CSMD1: variants seen among roughly 807,000 people sequenced by gnomAD.
The protein encoded by CSMD1 is CUB and Sushi multiple domains 1.
Under a neutral mutation model 417.5 loss-of-function variants are expected in CSMD1, and 213 were observed. The observed-to-expected ratio is 0.51, with a 90% CI of 0.46 to 0.57. The LOEUF is 0.57. CSMD1 is among the 20% of genes least tolerant of loss of function. The pLI is 0.00. For missense variants in CSMD1, 6,923 were observed against 4,529.7 expected (o/e 1.53, Z -15.17); for synonymous variants, 2,862 against 1,736.8 (o/e 1.65, Z -16.11).
At chr8:3,465,231 G>A (rs1024783345) in intron 12 of CSMD1, among the ~76,000 whole-genome samples, 8 of 152,142 alleles carry the variant, frequency 5.3e-5, no homozygotes, top group Non-Finnish European at 7.3e-5. Flanking sequence ...GGGATGCACA[G>A]GCCCTGGTTT....
intron 54 of CSMD1, among the ~76,000 whole-genome samples, 186 bp downstream of exon 54, chr8:2,997,825 G>C (rs114180760): frequency 0.025 from 3,739 of 152,184 alleles, 49 homozygotes; most frequent in African/African-American, 0.037. Context: ...ATCTGGCCAC[G>C]AGACAGGAAA....
intron 5 of CSMD1, among the ~76,000 whole-genome samples, chr8:3,952,096 AT>A (rs1811635519): frequency 6.6e-6 from 1 of 152,202 alleles, no homozygotes; most frequent in Non-Finnish European, 1.5e-5. Context: ...AAATCTTTAA[AT>A]TTCCGACAGA....
At chr8:3,751,806 T>A (rs964602769) in intron 6 of CSMD1, among the ~76,000 whole-genome samples, 1 of 152,164 alleles carries the variant, frequency 6.6e-6, no homozygotes, top group Non-Finnish European at 1.5e-5. Flanking sequence ...TGATCAGGTT[T>A]GAGAAACAAA....
At chr8:4,269,114 T>G (rs1244212272) in intron 3 of CSMD1, among the ~76,000 whole-genome samples, 1 of 152,194 alleles carries the variant, frequency 6.6e-6, no homozygotes, top group Non-Finnish European at 1.5e-5. Context: ...TGGAGTGCAG[T>G]GGTGTGATCT....
At chr8:4,747,831 C>T (rs1388891074) in intron 1 of CSMD1, among the ~76,000 whole-genome samples, 1 of 152,194 alleles carries the variant, frequency 6.6e-6, no homozygotes, top group African/African-American at 2.4e-5. Context: ...GTAAATGTCT[C>T]TATTCATCAA....
intron 33 of CSMD1, among the ~76,000 whole-genome samples, chr8:3,192,582 C>G (rs1025672261): frequency 1.3e-5 from 2 of 152,102 alleles, no homozygotes; most frequent in African/African-American, 4.8e-5. Context: ...TTTATGTAGC[C>G]TGGAGAGAGG....
At chr8:4,935,153 T>C (rs375807075) in intron 1 of CSMD1, among the ~76,000 whole-genome samples, 81 of 152,326 alleles carry the variant, frequency 5.3e-4, no homozygotes, top group African/African-American at 1.9e-3. Context: ...CAGTCACAGG[T>C]GAGGATTTTA....
At chr8:4,519,156 A>C (rs1803289614) in intron 2 of CSMD1, among the ~76,000 whole-genome samples, 1 of 152,164 alleles carries the variant, frequency 6.6e-6, no homozygotes, top group Admixed American at 6.6e-5. Context: ...AATGTGTTAA[A>C]TTATTTACCT....
intron 4 of CSMD1, among the ~76,000 whole-genome samples, chr8:4,019,653 G>T (rs889217396): frequency 1.3e-5 from 2 of 152,158 alleles, no homozygotes; most frequent in African/African-American, 4.8e-5. Flanking sequence ...AAGGGAGCTG[G>T]AACTTAAAGT....
chr8:4,194,100 G>C (rs1408056638), intron 3 of CSMD1, among the ~76,000 whole-genome samples: 1 of 151,988 alleles, frequency 6.6e-6, no homozygotes, highest in Non-Finnish European at 1.5e-5. Flanking sequence ...TAAATGTTAT[G>C]GTAGGCATAC....
chr8:4,100,937 G>C (rs370842774), intron 3 of CSMD1, among the ~76,000 whole-genome samples: 5 of 152,168 alleles, frequency 3.3e-5, no homozygotes, highest in Non-Finnish European at 7.3e-5. Flanking sequence ...GAAATGCTAA[G>C]AACCCAGAGT....
At chr8:3,319,118 TGAA>T (rs1232566826) in intron 23 of CSMD1, among the ~76,000 whole-genome samples, 2 of 152,110 alleles carry the variant, frequency 1.3e-5, no homozygotes, top group South Asian at 2.1e-4. Context: ...AGATAATAAC[TGAA>T]GAAGTAACTT....
chr8:2,958,542 A>T (rs1272282549), intron 62 of CSMD1, among the ~76,000 whole-genome samples: 1 of 152,106 alleles, frequency 6.6e-6, no homozygotes, highest in Non-Finnish European at 1.5e-5. Context: ...GTGATCTGTA[A>T]ATGTCTTTTT....
At chr8:4,382,056 T>A (rs1266916164) in intron 3 of CSMD1, among the ~76,000 whole-genome samples, 1 of 152,194 alleles carries the variant, frequency 6.6e-6, no homozygotes, top group Non-Finnish European at 1.5e-5. Flanking sequence ...ACACCAGAAC[T>A]GGGACTCTCA....
At chr8:3,600,819 TGCAACA>T (rs1563188770) in intron 8 of CSMD1, among the ~76,000 whole-genome samples, 3 of 152,172 alleles carry the variant, frequency 2.0e-5, no homozygotes, top group African/African-American at 4.8e-5. Flanking sequence ...ATGCATGTTT[TGCAACA>T]TTCATATGCA....
At chr8:3,425,661 G>C (rs1402488527) in intron 12 of CSMD1, among the ~76,000 whole-genome samples, 1 of 151,656 alleles carries the variant, frequency 6.6e-6, no homozygotes, top group African/African-American at 2.4e-5. Flanking sequence ...AGGGAGCCCA[G>C]AGAGTTTTCA....
At chr8:3,411,941 TGCAC>T (rs1179222601) in intron 12 of CSMD1, among the ~76,000 whole-genome samples, 1,527 of 50,420 alleles carry the variant, frequency 0.03, 348 homozygotes, top group Non-Finnish European at 0.039. Context: ...CACGTATATA[TGCAC>T]GTATATATAC....
At chr8:3,797,238 C>A (rs1463508007) in intron 5 of CSMD1, among the ~76,000 whole-genome samples, 2 of 151,902 alleles carry the variant, frequency 1.3e-5, no homozygotes, top group African/African-American at 4.8e-5. Context: ...TCTCTATTTT[C>A]AAACTCAAGT....
intron 68 of CSMD1, among the ~76,000 whole-genome samples, chr8:2,945,576 C>G (rs1225341577): frequency 1.3e-5 from 2 of 152,130 alleles, no homozygotes; most frequent in African/African-American, 2.4e-5. Flanking sequence ...TTTAGTGTTG[C>G]TACATCCTAC....
Sources: gnomAD v4.1 joint callset for allele counts (sites outside exome capture counted in the v4.1 genomes callset) on GRCh38, gnomAD v4.1.1 for gene constraint, MANE v1.5 for transcripts, NCBI Gene and HGNC (gene_info 2026-07-23, HGNC 2026-07-21) for gene names.